TRERF1: variants seen among roughly 807,000 people sequenced by gnomAD.
TRERF1 encodes transcriptional regulating factor 1.
TRERF1 carries 27 observed loss-of-function variants against 122.9 expected under a neutral mutation model. That is an observed-to-expected ratio of 0.22 (90% CI 0.16 to 0.30). TRERF1 has a LOEUF of 0.30. Ranked by LOEUF, TRERF1 falls within the 10% of genes least tolerant of loss-of-function variation. TRERF1 has a pLI of 1.00. For missense variants in TRERF1, 1,248 were observed against 1,560.3 expected (o/e 0.80, Z 3.37); for synonymous variants, 636 against 641.7 (o/e 0.99, Z 0.13).
At chr6:42,398,140 C>T (rs1380911616) in intron 2 of TRERF1, among the ~76,000 whole-genome samples, 1 of 152,200 alleles carries the variant, frequency 6.6e-6, no homozygotes, top group Non-Finnish European at 1.5e-5. Flanking sequence ...ATCCCAGCTC[C>T]AGCACTTGCT....
chr6:42,326,102 C>T (rs1312127023), intron 3 of TRERF1, among the ~76,000 whole-genome samples: 1 of 152,042 alleles, frequency 6.6e-6, no homozygotes, highest in African/African-American at 2.4e-5. Context: ...CAATTGAAAC[C>T]CAAACCTCAG....
intron 2 of TRERF1, among the ~76,000 whole-genome samples, chr6:42,385,178 T>A (rs1024852892): frequency 6.6e-6 from 1 of 152,088 alleles, no homozygotes; most frequent in African/African-American, 2.4e-5. Context: ...GGTTTTGCCA[T>A]GTTGTCCAGG....
chr6:42,441,106 G>T (rs552433159), intron 2 of TRERF1, among the ~76,000 whole-genome samples: 5 of 152,192 alleles, frequency 3.3e-5, no homozygotes, highest in African/African-American at 9.6e-5. Context: ...CCCAGTAAAT[G>T]CTGTTCCCTC....
intron 8 of TRERF1, among the ~76,000 whole-genome samples, chr6:42,261,175 C>G (rs772707127): frequency 4.6e-5 from 7 of 151,632 alleles, no homozygotes; most frequent in Middle Eastern, 3.4e-3. Flanking sequence ...GAGGCCTGTG[C>G]CCCCCCCAAG....
intron 2 of TRERF1, among the ~76,000 whole-genome samples, chr6:42,436,815 ATATATATAT>A (rs1370594814): frequency 6.3e-5 from 4 of 63,182 alleles, no homozygotes; most frequent in Admixed American, 1.9e-4. Flanking sequence ...AAAAAAAAAA[ATATATATAT>A]ATATATATAT....
At chr6:42,272,326 G>A (rs1037017163) in intron 4 of TRERF1, among the ~76,000 whole-genome samples, 12 of 152,278 alleles carry the variant, frequency 7.9e-5, no homozygotes, top group Admixed American at 6.5e-4. Flanking sequence ...GCATTTGGTG[G>A]AGTGAAGGGT....
At chr6:42,337,373 T>C (rs1369564259) in intron 3 of TRERF1, among the ~76,000 whole-genome samples, 2 of 152,228 alleles carry the variant, frequency 1.3e-5, no homozygotes, top group Non-Finnish European at 2.9e-5. Context: ...ATACCGCTCC[T>C]GATCCTCAAG....
At chr6:42,231,748 G>A (rs1770583979) in intron 17 of TRERF1, among the ~76,000 whole-genome samples, 1 of 152,164 alleles carries the variant, frequency 6.6e-6, no homozygotes, top group Admixed American at 6.5e-5. Flanking sequence ...TACCATCAAT[G>A]GCATTTTCTA....
chr6:42,293,743 AC>A, intron 4 of TRERF1, among the ~76,000 whole-genome samples: 1 of 89,082 alleles, frequency 1.1e-5, no homozygotes, highest in Middle Eastern at 7.8e-3. Flanking sequence ...TCCTCCACCC[AC>A]CCCCCACCCT....
rs73424317 is a variant in TRERF1, at chr6:42,257,908, C to A, written c.2336+227G>T. ...TGGAGCCAGACGCAGGGACGCTAGG[C>A]TCTCTGAATACAGGGCTTCATGCTT... On this transcript the variant is annotated intron_variant, in intron 10 of 17. Coordinates refer to ENST00000372922, the Ensembl canonical transcript of TRERF1. Among the ~76,000 whole-genome samples the A allele has an allele frequency of 6.3e-3, 966 of 152,326 alleles. 15 individuals carry two copies. The highest frequency in any genetic ancestry group is 0.022 in the African/African-American group (915 of 41,580).
chr6:42,401,082 C>A (rs767752869), intron 2 of TRERF1, among the ~76,000 whole-genome samples: 11 of 152,186 alleles, frequency 7.2e-5, no homozygotes, highest in Non-Finnish European at 1.2e-4. Flanking sequence ...GCATCCGGGG[C>A]CAATCATTTG....
chr6:42,255,525 C>A (rs1776587772), intron 12 of TRERF1, among the ~76,000 whole-genome samples: 1 of 152,240 alleles, frequency 6.6e-6, no homozygotes. Context: ...GTACGTCCCT[C>A]ACCTGGGAGC....
chr6:42,272,120 T>C (rs1193952636), intron 4 of TRERF1, among the ~76,000 whole-genome samples: 1 of 152,200 alleles, frequency 6.6e-6, no homozygotes, highest in East Asian at 1.9e-4. Flanking sequence ...AGCAAATGTA[T>C]CATAAAAAAA....
chr6:42,283,611 CT>C (rs869206003), intron 4 of TRERF1, among the ~76,000 whole-genome samples: 6,915 of 107,992 alleles, frequency 0.064, 72 homozygotes, highest in African/African-American at 0.098. Flanking sequence ...ATGAAAAAAA[CT>C]TTTTTTTTTT....
intron 3 of TRERF1, among the ~76,000 whole-genome samples, chr6:42,320,131 C>T (rs963153865): frequency 2.0e-4 from 31 of 152,032 alleles, no homozygotes; most frequent in East Asian, 1.9e-4. Context: ...GAACTCCTGA[C>T]CTCAAATGAT....
intron 2 of TRERF1, among the ~76,000 whole-genome samples, chr6:42,408,229 G>GTGTGTGTGTATGTATATATATATACACA (rs1780505350): frequency 1.1e-5 from 1 of 93,878 alleles, no homozygotes; most frequent in Non-Finnish European, 2.5e-5. Context: ...ATATATATAT[G>GTGTGTGTGTATGTATATATATATACACA]TGTGTGTGTA....
intron 4 of TRERF1, among the ~76,000 whole-genome samples, chr6:42,298,137 G>T (rs190458605): frequency 1.5e-3 from 219 of 149,978 alleles, no homozygotes; most frequent in African/African-American, 5.0e-3. Flanking sequence ...GATAGTTGTT[G>T]TTTTTTTTTG....
At chr6:42,357,403 C>T (rs976485421) in intron 3 of TRERF1, among the ~76,000 whole-genome samples, 1 of 150,632 alleles carries the variant, frequency 6.6e-6, no homozygotes, top group African/African-American at 2.5e-5. Flanking sequence ...AGCATACGAG[C>T]ACAGATGAGG....
At chr6:42,236,249 G>C (rs745713744) in exon 16 of TRERF1, 2 of 1,610,780 alleles carry the variant, frequency 1.2e-6, no homozygotes, top group Non-Finnish European at 8.5e-7. Context: ...CCTGAGGGCT[G>C]GCCCAGGGCC....
Sources: allele counts gnomAD v4.1 joint callset (sites outside exome capture counted in the v4.1 genomes callset), GRCh38; gene constraint gnomAD v4.1.1; transcripts MANE v1.5; gene names NCBI Gene and HGNC (gene_info 2026-07-23, HGNC 2026-07-21).